PTPN3: variants seen among roughly 807,000 people sequenced by gnomAD.
The protein encoded by PTPN3 is protein tyrosine phosphatase non-receptor type 3.
In PTPN3, 96 loss-of-function variants were observed where a neutral mutation model predicts 132.7. The ratio of observed to expected loss-of-function variants is 0.72; its 90% CI spans 0.61 to 0.86. PTPN3 has a LOEUF of 0.86. Among genes scored for constraint, PTPN3 ranks in the 40% least tolerant of loss-of-function variants. PTPN3 has a pLI of 0.00. For missense variants in PTPN3, 1,125 were observed against 1,159.6 expected (o/e 0.97, Z 0.43); for synonymous variants, 398 against 429.0 (o/e 0.93, Z 0.89).
At chr9:109,499,381 A>C (rs1256456048), upstream of PTPN3, among the ~76,000 whole-genome samples, 1 of 152,106 alleles carries the variant, frequency 6.6e-6, no homozygotes, top group Non-Finnish European at 1.5e-5. Flanking sequence ...GGCCGAGGGA[A>C]CAGCCAGTGC....
At chr9:109,507,430 C>G in the PTPN3 span, among the ~76,000 whole-genome samples, 1 of 152,220 alleles carries the variant, frequency 6.6e-6, no homozygotes, top group Non-Finnish European at 1.5e-5. Context: ...GAACACTGTG[C>G]TCCGAATTCC....
chr9:109,383,712 C>T (rs1432617691), intron 22 of PTPN3, among the ~76,000 whole-genome samples, 161 bp from the exon 23 acceptor site: 2 of 152,126 alleles, frequency 1.3e-5, no homozygotes, highest in South Asian at 2.1e-4. Flanking sequence ...TTTCTCAGGG[C>T]GGGGTGGGGG....
At position 109,389,416 on chromosome 9, in the gene PTPN3, T is replaced by C. The variant is rs201300980; in HGVS notation, c.2107-37A>G. On this transcript the variant is annotated intron_variant, in intron 21 of 25. Coordinates refer to ENST00000374541, the MANE Select transcript of PTPN3 (RefSeq NM_002829.4). The stretch of plus-strand genomic sequence containing the variant: ...TTGGTAAAGTATTAGAATCTGTTGC[T>C]GCCCCAGGGTGCACAGGGAACTGGA... 1.8e-5 allele frequency: 28 copies of C among 1,590,204 alleles called. No homozygotes were observed. The East Asian group carries it at 4.3e-4, about 24-fold the overall frequency.
At chr9:109,490,769 C>G (rs886445089) in intron 1 of PTPN3, among the ~76,000 whole-genome samples, 1 of 151,750 alleles carries the variant, frequency 6.6e-6, no homozygotes, top group Non-Finnish European at 1.5e-5. Context: ...AGTCAAGGTC[C>G]TGAAGGACCA....
chr9:109,475,161 C>G (rs1187356847), intron 1 of PTPN3, among the ~76,000 whole-genome samples: 2 of 152,130 alleles, frequency 1.3e-5, no homozygotes, highest in Non-Finnish European at 2.9e-5. Flanking sequence ...AGCAGAGAAG[C>G]TGGATGAGAC....
Position 109,391,149 on chromosome 9 carries a change from T to A in PTPN3, c.2095A>T (p.Ser699Cys). Residue 699 changes from serine (S) to cysteine (C), a missense_variant, in exon 21 of 26, where the codon AGT becomes TGT. Transcript: ENST00000374541. ...GATTCCTAACTTACGTTCACGTAAC[T>A]TGCATTAATATAATCTTCATTTCCC... ...LQGNEDYINA[S>C]YVNMEIPAAN... 1 of 1,613,488 alleles carries A rather than the reference T, an allele frequency of 6.2e-7. No individual in the cohort carries two copies. The highest frequency in any genetic ancestry group is 1.7e-4 in the Middle Eastern group (1 of 6,060).
chr9:109,503,432 A>G, the PTPN3 span, among the ~76,000 whole-genome samples: 1 of 152,168 alleles, frequency 6.6e-6, no homozygotes, highest in East Asian at 1.9e-4. Flanking sequence ...CGGCTGGGCA[A>G]GGTGGCTCAT....
chr9:109,442,524 T>C (rs1281844545), intron 7 of PTPN3, among the ~76,000 whole-genome samples: 2 of 152,232 alleles, frequency 1.3e-5, no homozygotes, highest in Non-Finnish European at 2.9e-5. Flanking sequence ...CACAACTTCT[T>C]TAGCCCCCAT....
chr9:109,523,150 T>C, the PTPN3 span, among the ~76,000 whole-genome samples: 6 of 151,830 alleles, frequency 4.0e-5, no homozygotes, highest in Non-Finnish European at 8.8e-5. Context: ...GGAGTCTCGC[T>C]TTGTCGCCCA....
rs573698212 is a variant in PTPN3, at chr9:109,412,466, C to T, written c.1314-2051G>A. Among the ~76,000 whole-genome samples, 5 of 152,146 alleles carry T rather than the reference C, an allele frequency of 3.3e-5. No individual in the cohort carries two copies. The South Asian group carries it at 6.3e-4, about 19-fold the overall frequency. ...TCGGCTCACTGCAACCTCCGCCTCC[C>T]GGGTTCAAATGATTCTCCAACCTCA... On this transcript the variant is annotated intron_variant, in intron 14 of 25. Transcript: ENST00000374541.
chr9:109,508,191 C>T, the PTPN3 span, among the ~76,000 whole-genome samples: 415 of 146,190 alleles, frequency 2.8e-3, 2 homozygotes, highest in African/African-American at 9.8e-3. Context: ...GATGGCGTTT[C>T]GCTCTGTCAC....
In PTPN3 at chr9:109,496,187, T is replaced by A. The variant is rs1410355279; in HGVS notation, c.-18+2032A>T. On this transcript the variant is annotated intron_variant, in intron 1 of 25. Transcript: ENST00000374541. ...GGCACGTTCTATTCTACTCTAATTC[T>A]CTGCAAATTGGTATTCCATTAACTG... 2.6e-5 allele frequency among the ~76,000 whole-genome samples: 4 copies of A among 152,256 alleles called. No homozygotes were observed. In the East Asian group the frequency reaches 7.7e-4, roughly 29 times the overall value.
chr9:109,471,748 T>A (rs79454524), intron 1 of PTPN3, among the ~76,000 whole-genome samples: 2,006 of 152,032 alleles, frequency 0.013, 24 homozygotes, highest in Middle Eastern at 0.021. Context: ...CAAGCAATCC[T>A]CCTGCCTCAG....
the PTPN3 span, among the ~76,000 whole-genome samples, chr9:109,522,913 C>A: frequency 6.6e-6 from 1 of 152,118 alleles, no homozygotes; most frequent in Non-Finnish European, 1.5e-5. Context: ...TGATGAAGAA[C>A]ATGATCTGTG....
At position 109,498,281 on chromosome 9, in the gene PTPN3, G is replaced by T. The variant is rs1847780885; in HGVS notation, c.-80C>A. On this transcript the variant is annotated 5_prime_UTR_variant, in exon 1 of 26. Transcript: ENST00000374541. This position sits in a 1 kb window ranked among gnomAD's most constrained non-coding sequence, Gnocchi z 4.2. ...GCGCGTGCGGGCGGCGCGGAAGCTCGCTCGCGGCGCGACCTGGCCGCCGTC... is the reference window on the plus strand; with the variant it reads ...GCGCGTGCGGGCGGCGCGGAAGCTCTCTCGCGGCGCGACCTGGCCGCCGTC... 1 of 146,324 alleles carries T rather than the reference G, an allele frequency of 6.8e-6. No individual in the cohort carries two copies. Among genetic ancestry groups the T allele is most frequent in the African/African-American group, 2.4e-5 (1 of 40,838 alleles). 9.1% of individuals were successfully genotyped at this position (146,324 alleles called of 1,614,324 possible).
At chr9:109,380,968 A>G (rs964934004) in intron 25 of PTPN3, among the ~76,000 whole-genome samples, 58 of 152,180 alleles carry the variant, frequency 3.8e-4, no homozygotes, top group African/African-American at 1.3e-3. Context: ...GCATAGACTA[A>G]TCCAGTTCTC....
At chr9:109,419,544 T>C (rs1225254142) in intron 14 of PTPN3, among the ~76,000 whole-genome samples, 1 of 152,218 alleles carries the variant, frequency 6.6e-6, no homozygotes, top group East Asian at 1.9e-4. Flanking sequence ...ATAATCTATG[T>C]CTTACCTACT....
intron 5 of PTPN3, chr9:109,449,193 C>A: frequency 9.1e-7 from 1 of 1,094,082 alleles, no homozygotes; most frequent in Non-Finnish European, 1.1e-6. Flanking sequence ...CGCCCCTGCC[C>A]TTGAGGACCA....
At chr9:109,408,824 T>TTAA (rs1554783448) in intron 16 of PTPN3, among the ~76,000 whole-genome samples, 8 of 128,542 alleles carry the variant, frequency 6.2e-5, no homozygotes, top group Non-Finnish European at 9.9e-5. Context: ...TATATGGGCT[T>TTAA]TATATATATA....
Sources: allele counts gnomAD v4.1 joint callset (sites outside exome capture counted in the v4.1 genomes callset), GRCh38; gene constraint gnomAD v4.1.1; non-coding constraint Gnocchi (gnomAD v3.1); transcripts MANE v1.5; gene names NCBI Gene and HGNC (gene_info 2026-07-23, HGNC 2026-07-21).